RPN2: variants seen among roughly 807,000 people sequenced by gnomAD.
RPN2 encodes dolichyl-diphosphooligosaccharide--protein glycosyltransferase subunit 2.
Under a neutral mutation model 71.4 loss-of-function variants are expected in RPN2, and 29 were observed. That is an observed-to-expected ratio of 0.41 (90% confidence interval 0.30 to 0.55). The LOEUF is 0.55. Ranked by LOEUF, RPN2 falls within the 20% of genes least tolerant of loss-of-function variation. The pLI is 0.35. For missense variants in RPN2, 726 were observed against 774.1 expected (o/e 0.94, Z 0.74); for synonymous variants, 308 against 305.0 (o/e 1.01, Z -0.10).
intron 2 of RPN2, among the ~76,000 whole-genome samples, chr20:37,192,466 CCT>C (rs2067162653): frequency 6.6e-6 from 1 of 152,196 alleles, no homozygotes; most frequent in African/African-American, 2.4e-5. Context: ...CGGCACTCAC[CCT>C]GTCTGCCAAG....
chr20:37,201,208 TAACAAACAGGTCCCC>T (rs2067381775), intron 4 of RPN2, among the ~76,000 whole-genome samples: 1 of 150,904 alleles, frequency 6.6e-6, no homozygotes, highest in Non-Finnish European at 1.5e-5. Context: ...GTTAGGTCCC[TAACAAACAGGTCCCC>T]CTTCTTAGAG....
intron 9 of RPN2, among the ~76,000 whole-genome samples, chr20:37,218,434 G>T (rs1440005900): frequency 2.0e-5 from 3 of 151,492 alleles, no homozygotes; most frequent in South Asian, 2.1e-4. Context: ...AAGCCTGGGC[G>T]CAGTGGCTCA....
At chr20:37,205,694 A>C (rs2146591379) in intron 6 of RPN2, among the ~76,000 whole-genome samples, 2 of 152,278 alleles carry the variant, frequency 1.3e-5, no homozygotes, top group Middle Eastern at 6.8e-3. Flanking sequence ...TGGTCAAATA[A>C]GTTATTCATG....
intron 8 of RPN2, among the ~76,000 whole-genome samples, chr20:37,212,076 A>G (rs1241015836): frequency 1.3e-5 from 2 of 152,102 alleles, no homozygotes; most frequent in African/African-American, 4.8e-5. Context: ...GGCCTTTACA[A>G]TGATTTTTAA....
At chr20:37,219,492 A>G (rs2067900737) in intron 9 of RPN2, among the ~76,000 whole-genome samples, 1 of 152,042 alleles carries the variant, frequency 6.6e-6, no homozygotes, top group Non-Finnish European at 1.5e-5. Context: ...TGATTTGCAA[A>G]TATTTTCTCA....
At chr20:37,181,553 G>A (rs2066884674) in intron 1 of RPN2, among the ~76,000 whole-genome samples, 1 of 151,722 alleles carries the variant, frequency 6.6e-6, no homozygotes, top group Non-Finnish European at 1.5e-5. Flanking sequence ...CTAGTAGCTG[G>A]GATTACAGGC....
At chr20:37,226,571 A>G (rs2068083386) in intron 11 of RPN2, among the ~76,000 whole-genome samples, 1 of 152,228 alleles carries the variant, frequency 6.6e-6, no homozygotes, top group African/African-American at 2.4e-5. Flanking sequence ...AATAATTTCA[A>G]AAGAAGACCC....
At chr20:37,234,837 C>T (rs2068343372) in intron 15 of RPN2, among the ~76,000 whole-genome samples, 1 of 152,086 alleles carries the variant, frequency 6.6e-6, no homozygotes, top group African/African-American at 2.4e-5. Flanking sequence ...TGTGTCACCA[C>T]ATTTAGCTAG....
intron 2 of RPN2, among the ~76,000 whole-genome samples, chr20:37,186,346 A>G (rs1420105564): frequency 6.6e-6 from 1 of 152,208 alleles, no homozygotes; most frequent in Non-Finnish European, 1.5e-5. Flanking sequence ...TCTGCCTACC[A>G]TTTCTTGTAT....
chr20:37,236,114 G>A (rs1201379996), intron 15 of RPN2, among the ~76,000 whole-genome samples: 1 of 49,290 alleles, frequency 2.0e-5, no homozygotes, highest in Admixed American at 2.1e-4. Flanking sequence ...TGTGTGTTTT[G>A]AGACGAGGTA....
chr20:37,207,193 G>A, intron 6 of RPN2, 80 bp from the exon 7 acceptor site: 1 of 1,140,886 alleles, frequency 8.8e-7, no homozygotes, highest in Non-Finnish European at 1.3e-6. Flanking sequence ...AACAGATAAG[G>A]GTGACTTTCC....
chr20:37,184,555 G>T (rs985451952), intron 2 of RPN2, among the ~76,000 whole-genome samples, 182 bp downstream of exon 2: 1 of 152,234 alleles, frequency 6.6e-6, no homozygotes, highest in Non-Finnish European at 1.5e-5. Context: ...CACTTTGGGA[G>T]GTCTAGGCAG....
intron 4 of RPN2, among the ~76,000 whole-genome samples, chr20:37,201,001 A>G (rs2067374968): frequency 1.3e-5 from 2 of 152,228 alleles, no homozygotes. Flanking sequence ...TTTGAACACC[A>G]GCTATTTCAT....
intron 4 of RPN2, chr20:37,200,394 A>G (rs562584157): frequency 1.5e-4 from 77 of 512,834 alleles, no homozygotes; most frequent in Middle Eastern, 3.3e-4. Context: ...CTTTAAAACA[A>G]TATTTTTTTT....
chr20:37,235,351 C>T (rs1314788083), intron 15 of RPN2, among the ~76,000 whole-genome samples: 1 of 152,026 alleles, frequency 6.6e-6, no homozygotes, highest in Non-Finnish European at 1.5e-5. Flanking sequence ...GCTTTTTGTG[C>T]ACGTTTTCTC....
rs117835643 is a variant in RPN2 at position 37,199,221 on chromosome 20, C to T, written c.475C>T (p.Leu159=). ...TCGTCTCAGCAAGGAGGAGACTGTG[C>T]TGGCGTGAGTTGTCATCTCGAGCAT... ...TARLSKEETV[L]ATVQALQTAS... is the part of the protein sequence containing the mutation. The change falls in exon 4 of 17, where the codon CTG becomes TTG. Residue 159 remains leucine (L), a synonymous_variant. Coordinates refer to ENST00000237530, the MANE Select transcript of RPN2 (RefSeq NM_002951.5). The T allele has an allele frequency of 1.9e-5, 31 of 1,613,658 alleles. No individual in the cohort carries two copies. The highest frequency in any genetic ancestry group is 1.8e-4 in the East Asian group (8 of 44,880).
intron 8 of RPN2, among the ~76,000 whole-genome samples, chr20:37,212,981 CT>C (rs955485875): frequency 6.6e-6 from 1 of 152,030 alleles, no homozygotes; most frequent in Non-Finnish European, 1.5e-5. Flanking sequence ...AATTCTCTAC[CT>C]TTTTTTCCCT....
chr20:37,195,111 G>A (rs774419874), intron 2 of RPN2, among the ~76,000 whole-genome samples: 4 of 152,076 alleles, frequency 2.6e-5, no homozygotes, highest in African/African-American at 9.7e-5. Context: ...CATTTAGGGG[G>A]CAGTTTTCAG....
chr20:37,228,497 C>T, intron 11 of RPN2, 53 bp from the exon 12 acceptor site: 6 of 1,552,308 alleles, frequency 3.9e-6, no homozygotes, highest in Middle Eastern at 3.4e-4. Context: ...ATGTTAGGCC[C>T]AGGGAGAATC....
Sources: allele counts gnomAD v4.1 joint callset (sites outside exome capture counted in the v4.1 genomes callset), GRCh38; gene constraint gnomAD v4.1.1; transcripts MANE v1.5; gene names NCBI Gene and HGNC (gene_info 2026-07-23, HGNC 2026-07-21).